ORC4: variants seen among roughly 807,000 people sequenced by gnomAD.
ORC4 encodes origin recognition complex, subunit 4 homolog.
In ORC4, 55 loss-of-function variants were observed where a neutral mutation model predicts 63.9. The ratio of observed to expected loss-of-function variants is 0.86; its 90% CI spans 0.69 to 1.08. The LOEUF (loss-of-function observed/expected upper bound fraction) is 1.08. Ranked by LOEUF, ORC4 falls within the 50% of genes least tolerant of loss-of-function variation. The pLI, the probability that ORC4 is intolerant of heterozygous loss-of-function variation, is 0.00. For missense variants in ORC4, 511 were observed against 504.4 expected, an observed-to-expected ratio of 1.01 and a Z score of -0.13; for synonymous variants, 150 against 168.5, an observed-to-expected ratio of 0.89 and a Z score of 0.85.
At chr2:148,005,656 C>CAAACA (rs1692578878) in intron 1 of ORC4, among the ~76,000 whole-genome samples, 1 of 51,492 alleles carries the variant, frequency 1.9e-5, no homozygotes, top group African/African-American at 7.8e-5. Context: ...ACTATCCATG[C>CAAACA]AAAAAAAAAA....
At chr2:148,007,881 AG>A (rs1692724862) in intron 1 of ORC4, among the ~76,000 whole-genome samples, 1 of 152,230 alleles carries the variant, frequency 6.6e-6, no homozygotes, top group Admixed American at 6.5e-5. Context: ...AGCAAACTTC[AG>A]CAGAAACGCT....
At chr2:148,000,920 T>C (rs1345488575) in intron 1 of ORC4, among the ~76,000 whole-genome samples, 1 of 152,054 alleles carries the variant, frequency 6.6e-6, no homozygotes, top group Non-Finnish European at 1.5e-5. Flanking sequence ...ACATCACCTA[T>C]AGTAAGTCAA....
At chr2:147,991,011 T>C (rs1417726414) in intron 1 of ORC4, among the ~76,000 whole-genome samples, 3 of 151,804 alleles carry the variant, frequency 2.0e-5, no homozygotes, top group Non-Finnish European at 2.9e-5. Context: ...CATACATATA[T>C]ATACACACAT....
At chr2:147,941,719 G>A (rs62169527) in intron 10 of ORC4, among the ~76,000 whole-genome samples, 2 of 151,802 alleles carry the variant, frequency 1.3e-5, no homozygotes, top group Admixed American at 1.3e-4. Context: ...AACAATGGCC[G>A]TTAATATTGA....
chr2:148,016,609 T>C (rs1349421047), intron 1 of ORC4, among the ~76,000 whole-genome samples: 2 of 152,198 alleles, frequency 1.3e-5, no homozygotes, highest in African/African-American at 4.8e-5. Context: ...TACAACTTTT[T>C]TCAGGGAAAA....
intron 1 of ORC4, among the ~76,000 whole-genome samples, chr2:148,002,144 C>T (rs13411618): frequency 0.085 from 12,973 of 152,070 alleles, 1,575 homozygotes; most frequent in African/African-American, 0.27. Flanking sequence ...GACTTAGACC[C>T]CCCCACAACA....
intron 1 of ORC4, among the ~76,000 whole-genome samples, chr2:148,015,125 A>AT: frequency 6.6e-6 from 1 of 151,714 alleles, no homozygotes; most frequent in Non-Finnish European, 1.5e-5. Context: ...AAAAAAAAAA[A>AT]GAAGAAAAGA....
intron 1 of ORC4, among the ~76,000 whole-genome samples, chr2:148,005,376 G>GCAA (rs1692562668): frequency 6.6e-6 from 1 of 151,840 alleles, no homozygotes; most frequent in African/African-American, 2.4e-5. Context: ...CACAGGGAGG[G>GCAA]CAACATCACA....
At chr2:148,019,378 T>C (rs1693529316) in intron 1 of ORC4, among the ~76,000 whole-genome samples, 3 of 152,194 alleles carry the variant, frequency 2.0e-5, no homozygotes, top group South Asian at 4.2e-4. Context: ...TCATTTGAGG[T>C]CAAGAGATCG....
At chr2:148,003,085 C>G (rs1440125664) in intron 1 of ORC4, among the ~76,000 whole-genome samples, 4 of 152,092 alleles carry the variant, frequency 2.6e-5, no homozygotes, top group African/African-American at 9.7e-5. Context: ...CCTAAATAGA[C>G]CAATAGCAAG....
In ORC4 at chr2:147,935,692, C is replaced by T; in HGVS notation, c.1129G>A (p.Glu377Lys). 6.2e-7 allele frequency: 1 copy of T among 1,611,892 alleles called. No individual in the cohort carries two copies. The highest frequency in any genetic ancestry group is 1.1e-5 in the South Asian group (1 of 90,966). The change falls in exon 14 of 14, where the codon GAA becomes AAA. Residue 377 changes from glutamate to lysine, a missense_variant. Glu to Lys is a moderately conservative substitution (Grantham distance 56). Coordinates refer to ENST00000392857, the MANE Select transcript of ORC4 (RefSeq NM_181741.4). Reference sequence around the variant, plus strand: ...ATTAATTCTAATTGCTGCAAGTGTTCAAAAGCCTGAAAGATGAAAGAAATA... The same window carrying T: ...ATTAATTCTAATTGCTGCAAGTGTTTAAAAGCCTGAAAGATGAAAGAAATA... ...FEKPVVMKAF[E>K]HLQQLELIKP... is the part of the protein sequence containing the mutation.
At position 147,934,373 on chromosome 2, in the gene ORC4, TA is replaced by T. The variant is rs1237041310; in HGVS notation, c.*1136del. ...TAATTCATGGATCTTGGAACTTACT[TA>T]AAAGACAATGCTTTGACGGACATTT... On this transcript the variant is annotated 3_prime_UTR_variant, in exon 14 of 14. Coordinates refer to ENST00000392857, the MANE Select transcript of ORC4 (RefSeq NM_181741.4). The T allele has an allele frequency of 6.6e-6, 1 of 152,178 alleles. No homozygotes were observed. Among genetic ancestry groups the T allele is most frequent in the Admixed American group, 6.6e-5 (1 of 15,266 alleles). 9.4% of individuals were successfully genotyped at this position (152,178 alleles called of 1,614,324 possible).
chr2:147,958,577 A>AC, intron 5 of ORC4, 194 bp from the exon 6 acceptor site: 2 of 583,552 alleles, frequency 3.4e-6, no homozygotes, highest in South Asian at 5.1e-5. Context: ...GATTAAAAAA[A>AC]AAAAAACCAA....
chr2:147,964,812 A>ACATCTTT (rs1689806031), intron 4 of ORC4, among the ~76,000 whole-genome samples: 1 of 152,154 alleles, frequency 6.6e-6, no homozygotes, highest in African/African-American at 2.4e-5. Context: ...ATATTTTAAA[A>ACATCTTT]CATCTTTCAT....
chr2:147,959,842 T>C (rs1292509246), intron 4 of ORC4, among the ~76,000 whole-genome samples: 2 of 152,044 alleles, frequency 1.3e-5, no homozygotes, highest in East Asian at 1.9e-4. Flanking sequence ...AGAAGTGACA[T>C]TTAATGAGAA....
intron 13 of ORC4, 23 bp from the exon 14 acceptor site, chr2:147,935,721 T>G (rs774435171): frequency 6.3e-7 from 1 of 1,586,560 alleles, no homozygotes; most frequent in Non-Finnish European, 8.6e-7. Context: ...AGAAATAGTT[T>G]AGGTTGAATA....
chr2:147,945,021 T>A (rs927791783), intron 9 of ORC4, among the ~76,000 whole-genome samples: 1 of 151,956 alleles, frequency 6.6e-6, no homozygotes, highest in African/African-American at 2.4e-5. Context: ...TAAAAAAAAA[T>A]TTGTTTAGCT....
At chr2:147,981,901 T>A (rs1690912962) in intron 1 of ORC4, 1 of 152,226 alleles carries the variant, frequency 6.6e-6, no homozygotes, top group African/African-American at 2.4e-5. Context: ...TTTATTAATT[T>A]CATATAGTGA....
At chr2:147,964,415 TA>T (rs1455488197) in intron 4 of ORC4, among the ~76,000 whole-genome samples, 2 of 151,786 alleles carry the variant, frequency 1.3e-5, no homozygotes. Flanking sequence ...AGAAAAAAAA[TA>T]GAATGAAGAA....
Sources: allele counts gnomAD v4.1 joint callset (sites outside exome capture counted in the v4.1 genomes callset), GRCh38; gene constraint gnomAD v4.1.1; transcripts MANE v1.5; gene names NCBI Gene and HGNC (gene_info 2026-07-23, HGNC 2026-07-21).